The following HECW1 variants were observed in gnomAD, a reference collection of about 807,000 sequenced individuals.
HECW1 encodes the protein HECT, C2 and WW domain containing E3 ubiquitin protein ligase 1.
In HECW1, 61 loss-of-function variants were observed where a neutral mutation model predicts 182.3. That is an observed-to-expected ratio of 0.33 (90% CI 0.27 to 0.41). The LOEUF is 0.41. Among genes scored for constraint, HECW1 ranks in the 10% least tolerant of loss-of-function variants. The probability of loss-of-function intolerance (pLI) is 1.00; values close to 1 mark genes in which losing one functional copy is unlikely to be tolerated. For missense variants in HECW1, 1,739 were observed against 2,108.9 expected, an observed-to-expected ratio of 0.82 and a Z score of 3.44; for synonymous variants, 859 against 832.6, an observed-to-expected ratio of 1.03 and a Z score of -0.55.
intron 2 of HECW1, among the ~76,000 whole-genome samples, chr7:43,139,830 C>G (rs1787973561): frequency 6.6e-6 from 1 of 151,972 alleles, no homozygotes; most frequent in East Asian, 1.9e-4. Context: ...ATTTGGGGAT[C>G]AGATTATGTG....
At position 43,193,192 on chromosome 7, in the gene HECW1, G is replaced by C. The variant is rs182949990; in HGVS notation, c.-31-50683G>C. ...CATTATAATTAGTGAATAATGAGCA[G>C]TGAGGACTACTAGAATTTGCATTTG... On this transcript the variant is annotated intron_variant, in intron 2 of 29. Coordinates refer to ENST00000395891, the MANE Select transcript of HECW1 (RefSeq NM_015052.5). Among the ~76,000 whole-genome samples the C allele has an allele frequency of 5.9e-5, 9 of 152,290 alleles. No individual in the cohort carries two copies. The East Asian group carries it at 1.4e-3, about 23-fold the overall frequency.
At chr7:43,518,011 T>C (rs1190008045) in intron 24 of HECW1, among the ~76,000 whole-genome samples, 1 of 152,064 alleles carries the variant, frequency 6.6e-6, no homozygotes, top group Non-Finnish European at 1.5e-5. Context: ...CAAAAGAAAA[T>C]TATGTTAGAT....
intron 17 of HECW1, among the ~76,000 whole-genome samples, chr7:43,489,214 A>G (rs112748986): frequency 6.4e-4 from 97 of 152,254 alleles, no homozygotes; most frequent in African/African-American, 2.3e-3. Context: ...TCTGTAATTT[A>G]TCACTTAGAT....
At chr7:43,536,945 G>C (rs2081198227) in intron 24 of HECW1, among the ~76,000 whole-genome samples, 1 of 152,230 alleles carries the variant, frequency 6.6e-6, no homozygotes, top group Non-Finnish European at 1.5e-5. Flanking sequence ...GCCTGGGCAG[G>C]CAGCGGCGGC....
At chr7:43,488,380 AAGGAAGGAAG>A (rs879431899) in intron 17 of HECW1, among the ~76,000 whole-genome samples, 3,263 of 97,360 alleles carry the variant, frequency 0.034, 213 homozygotes, top group Non-Finnish European at 0.05. Flanking sequence ...GGAAGGAAGG[AAGGAAGGAAG>A]GAAGGAAGGA....
intron 2 of HECW1, among the ~76,000 whole-genome samples, chr7:43,137,938 CT>C (rs57423975): frequency 0.073 from 10,551 of 144,252 alleles, 1,143 homozygotes; most frequent in African/African-American, 0.24. Context: ...CTGACCAACA[CT>C]TTTTTTTTTT....
At chr7:43,197,879 G>A (rs1794616139) in intron 2 of HECW1, among the ~76,000 whole-genome samples, 1 of 152,060 alleles carries the variant, frequency 6.6e-6, no homozygotes, top group Non-Finnish European at 1.5e-5. Context: ...TCCCAGTGAA[G>A]GCGTTGGTTC....
intron 2 of HECW1, among the ~76,000 whole-genome samples, chr7:43,153,047 A>G (rs1352496713): frequency 2.6e-5 from 4 of 152,100 alleles, no homozygotes; most frequent in African/African-American, 9.7e-5. Flanking sequence ...AGCTTTCCCT[A>G]TATACACCTT....
intron 2 of HECW1, among the ~76,000 whole-genome samples, chr7:43,157,534 A>C (rs1790017113): frequency 6.6e-6 from 1 of 152,200 alleles, no homozygotes; most frequent in Non-Finnish European, 1.5e-5. Context: ...CACAGGGTTT[A>C]CATTTATAAG....
intron 5 of HECW1, among the ~76,000 whole-genome samples, chr7:43,323,490 G>A (rs1810385738): frequency 6.6e-6 from 1 of 152,032 alleles, no homozygotes; most frequent in African/African-American, 2.4e-5. Flanking sequence ...GGAGGCTGCG[G>A]TGGAAGCATC....
At chr7:43,311,701 G>A in intron 3 of HECW1, 62 bp from the exon 4 acceptor site, 3 of 1,489,388 alleles carry the variant, frequency 2.0e-6, no homozygotes, top group Non-Finnish European at 2.8e-6. Context: ...GTTTTCGTGT[G>A]ATGACGGTGA....
intron 2 of HECW1, among the ~76,000 whole-genome samples, chr7:43,131,917 G>A (rs1786967288): frequency 6.6e-6 from 1 of 152,184 alleles, no homozygotes; most frequent in African/African-American, 2.4e-5. Flanking sequence ...TTATGACCGA[G>A]GATTGAAAGC....
chr7:43,526,486 C>T (rs1318726364), intron 24 of HECW1, among the ~76,000 whole-genome samples: 1 of 151,974 alleles, frequency 6.6e-6, no homozygotes, highest in African/African-American at 2.4e-5. Flanking sequence ...TTGGTTTAGC[C>T]CAAGTTGATT....
intron 5 of HECW1, among the ~76,000 whole-genome samples, chr7:43,345,865 C>T (rs909515118): frequency 2.1e-4 from 31 of 149,660 alleles, no homozygotes; most frequent in African/African-American, 6.3e-4. Flanking sequence ...TATATATATA[C>T]ACACACACAC....
At chr7:43,463,866 C>A in intron 14 of HECW1, 67 bp downstream of exon 14, 1 of 1,550,914 alleles carries the variant, frequency 6.4e-7, no homozygotes, top group Non-Finnish European at 8.8e-7. Flanking sequence ...GGGCTACAAG[C>A]CTCCCACCCT....
At chr7:43,382,338 T>G (rs1338372129) in intron 6 of HECW1, among the ~76,000 whole-genome samples, 1 of 151,294 alleles carries the variant, frequency 6.6e-6, no homozygotes, top group Non-Finnish European at 1.5e-5. Flanking sequence ...GTGGAAAGTG[T>G]GTCTGAGGAT....
chr7:43,525,470 G>GA (rs1451481403), intron 24 of HECW1, among the ~76,000 whole-genome samples: 1 of 152,210 alleles, frequency 6.6e-6, no homozygotes, highest in African/African-American at 2.4e-5. Flanking sequence ...ATTCAGCGGG[G>GA]TGGAGGGTAA....
At chr7:43,346,875 T>A (rs1401622922) in intron 5 of HECW1, among the ~76,000 whole-genome samples, 1 of 149,842 alleles carries the variant, frequency 6.7e-6, no homozygotes, top group South Asian at 2.1e-4. Flanking sequence ...ACCAGTACCA[T>A]GCTGTTTTGG....
chr7:43,308,355 TATATA>T lies in HECW1; in HGVS notation c.28-3401_28-3397del, dbSNP rs373848437. On this transcript the variant is annotated intron_variant, in intron 3 of 29. Coordinates refer to ENST00000395891, the MANE Select transcript of HECW1 (RefSeq NM_015052.5). ...TTATATATATTATATGATATATTTA[TATATA>T]ATATAACATATAATATATTTATATA... Among the ~76,000 whole-genome samples, 68 of 137,404 alleles carry T rather than the reference TATATA, an allele frequency of 4.9e-4. 2 individuals are homozygous for T. The East Asian group carries it at 6.6e-3, about 13-fold the overall frequency. The allele number at this position is 137,404 out of a possible 152,430, so 90.1% of individuals were successfully genotyped here.
Sources: gnomAD v4.1 joint callset for allele counts (sites outside exome capture counted in the v4.1 genomes callset) on GRCh38, gnomAD v4.1.1 for gene constraint, MANE v1.5 for transcripts, NCBI Gene and HGNC (gene_info 2026-07-23, HGNC 2026-07-21) for gene names.